AFF3: variants seen among roughly 807,000 people sequenced by gnomAD.
The protein encoded by AFF3 is AF4/FMR2 family member 3.
AFF3 carries 32 observed loss-of-function variants against 129.7 expected under a neutral mutation model. The ratio of observed to expected loss-of-function variants is 0.25; its 90% CI spans 0.19 to 0.33. AFF3 has a LOEUF of 0.33. Ranked by LOEUF, AFF3 falls within the 10% of genes least tolerant of loss-of-function variation. The pLI, the probability that AFF3 is intolerant of heterozygous loss-of-function variation, is 1.00. For synonymous variants in AFF3, 644 were observed against 635.4 expected, an observed-to-expected ratio of 1.01 and a Z score of -0.20; for missense variants, 1,373 against 1,592.0, an observed-to-expected ratio of 0.86 and a Z score of 2.34.
chr2:99,966,004 TTTTG>T (rs1489369740), intron 7 of AFF3, among the ~76,000 whole-genome samples: 1 of 152,212 alleles, frequency 6.6e-6, no homozygotes, highest in Non-Finnish European at 1.5e-5. Flanking sequence ...AATTTTGCAT[TTTTG>T]TTTACTTTAA....
In AFF3 at chr2:100,003,784, A is replaced by G. The variant is rs1681677184; in HGVS notation, c.873+2848T>C. ...AGGCAAAGGGATTCAAAATTTCCAA[A>G]TTTTTAAAAATAATACAGAATTGTT... On this transcript the variant is annotated intron_variant, in intron 7 of 24. Coordinates refer to ENST00000672756, the MANE Select transcript of AFF3 (RefSeq NM_001386135.1). 2.0e-5 allele frequency among the ~76,000 whole-genome samples: 3 copies of G among 152,328 alleles called. No homozygotes were observed. In the South Asian group the frequency reaches 6.2e-4, roughly 32 times the overall value.
rs996876123 is a variant in AFF3 at position 100,142,525 on chromosome 2, G to A, written c.-269C>T. 2 of 152,328 alleles carry A rather than the reference G, an allele frequency of 1.3e-5. No homozygotes were observed. Among genetic ancestry groups the A allele is most frequent in the Non-Finnish European group, 2.9e-5 (2 of 68,096 alleles). The allele number at this position is 152,328 out of a possible 1,614,324, so 9.4% of individuals were successfully genotyped here. A position where few individuals can be genotyped will look rare whatever the true frequency, so the allele number is the denominator to read the frequency against. ...CTTTTCTTTCTCTCCCCAGTAAGTC[G>A]TTGAACGTCTTTCTTCTGAGGCTGA... On this transcript the variant is annotated 5_prime_UTR_variant, in exon 1 of 25. The change creates a new upstream start codon in the 5' untranslated region. Coordinates refer to ENST00000672756, the MANE Select transcript of AFF3 (RefSeq NM_001386135.1).
At chr2:99,879,059 A>T (rs1366978051) in intron 7 of AFF3, among the ~76,000 whole-genome samples, 1 of 152,216 alleles carries the variant, frequency 6.6e-6, no homozygotes, top group African/African-American at 2.4e-5. Context: ...TGCGGGTAAG[A>T]AGCACTGAAG....
chr2:99,643,894 G>A (rs1294736203), intron 13 of AFF3, among the ~76,000 whole-genome samples: 9 of 152,166 alleles, frequency 5.9e-5, no homozygotes, highest in Admixed American at 1.3e-4. Context: ...AAGGAGATTG[G>A]ATGTGTGAGA....
At chr2:99,570,672 C>T (rs537108402) in intron 18 of AFF3, among the ~76,000 whole-genome samples, 46 of 152,278 alleles carry the variant, frequency 3.0e-4, no homozygotes, top group African/African-American at 7.0e-4. Context: ...CCAGGGTCTA[C>T]GAGATAAAAT....
chr2:99,550,657 C>G lies in AFF3; in HGVS notation c.*817G>C, dbSNP rs546606409. The G allele has an allele frequency of 3.4e-5, 8 of 232,882 alleles. No individual in the cohort carries two copies. The highest frequency in any genetic ancestry group is 1.8e-4 in the African/African-American group (8 of 45,420). 14.4% of individuals were successfully genotyped at this position (232,882 alleles called of 1,614,324 possible). ...AGGTGCAGAAAACTTCAACTCCTAA[C>G]TGAGCTCCAACACACAGGCACTGCT... On this transcript the variant is annotated 3_prime_UTR_variant, in exon 25 of 25. Coordinates refer to ENST00000672756, the MANE Select transcript of AFF3 (RefSeq NM_001386135.1).
At chr2:99,887,617 C>T (rs562189901) in intron 7 of AFF3, among the ~76,000 whole-genome samples, 2 of 152,314 alleles carry the variant, frequency 1.3e-5, no homozygotes, top group South Asian at 4.1e-4. Flanking sequence ...TCAGGAGTTA[C>T]TCCTTTTTCA....
intron 7 of AFF3, among the ~76,000 whole-genome samples, chr2:99,884,232 G>A (rs1043765642): frequency 2.2e-4 from 33 of 152,196 alleles, no homozygotes; most frequent in African/African-American, 8.0e-4. Flanking sequence ...GGGTTACGAT[G>A]TGGTGTTCTG....
At chr2:99,910,566 G>A (rs1558967709) in intron 7 of AFF3, among the ~76,000 whole-genome samples, 1 of 152,216 alleles carries the variant, frequency 6.6e-6, no homozygotes, top group South Asian at 2.1e-4. Flanking sequence ...GCATCACTGT[G>A]TAATAGTGCA....
chr2:99,685,404 G>A (rs1203446796), intron 11 of AFF3, among the ~76,000 whole-genome samples: 1 of 152,146 alleles, frequency 6.6e-6, no homozygotes, highest in African/African-American at 2.4e-5. Context: ...TCAACTCATG[G>A]TGACACAGAA....
intron 7 of AFF3, among the ~76,000 whole-genome samples, chr2:99,869,779 G>A (rs947426332): frequency 6.6e-6 from 1 of 152,128 alleles, no homozygotes; most frequent in Non-Finnish European, 1.5e-5. Flanking sequence ...GGGAGATTCA[G>A]GGGGAAAAGT....
At chr2:99,822,414 C>T (rs1687761046) in intron 8 of AFF3, among the ~76,000 whole-genome samples, 1 of 152,080 alleles carries the variant, frequency 6.6e-6, no homozygotes, top group Non-Finnish European at 1.5e-5. Context: ...TTGCTGATCT[C>T]ATTTTCTCAG....
intron 8 of AFF3, among the ~76,000 whole-genome samples, chr2:99,755,160 C>T (rs563966222): frequency 6.6e-6 from 1 of 152,238 alleles, no homozygotes; most frequent in South Asian, 2.1e-4. Flanking sequence ...GTTTTGGACC[C>T]TCACTAAAGA....
At chr2:100,136,217 C>T (rs1278461317) in intron 1 of AFF3, among the ~76,000 whole-genome samples, 6 of 152,160 alleles carry the variant, frequency 3.9e-5, no homozygotes, top group South Asian at 4.1e-4. Flanking sequence ...GTTTGGGCAT[C>T]GTTGGTGTTT....
intron 4 of AFF3, among the ~76,000 whole-genome samples, chr2:100,103,836 C>A (rs1462227393): frequency 2.0e-5 from 3 of 151,892 alleles, no homozygotes; most frequent in Admixed American, 6.6e-5. Flanking sequence ...CTCTGGAATA[C>A]CGGCACGGAG....
intron 13 of AFF3, among the ~76,000 whole-genome samples, chr2:99,639,048 G>A (rs1416500099): frequency 1.3e-5 from 2 of 152,156 alleles, no homozygotes; most frequent in East Asian, 1.9e-4. Flanking sequence ...ATCAGGCAGC[G>A]AGTCTGTATT....
At position 99,802,293 on chromosome 2, in the gene AFF3, T is replaced by C. The variant is rs538495375; in HGVS notation, c.921+35184A>G. On this transcript the variant is annotated intron_variant, in intron 8 of 24. Transcript: ENST00000672756. ...CCTTCAAGGGCTCAGCATCTGGATG[T>C]AGGAAAAGGAGACAAAAAGGCAGCT... Among the ~76,000 whole-genome samples the C allele has an allele frequency of 7.2e-5, 11 of 152,310 alleles. 1 individual carries two copies. In the East Asian group the frequency reaches 1.9e-3, roughly 27 times the overall value.
intron 8 of AFF3, among the ~76,000 whole-genome samples, chr2:99,804,882 G>C (rs192643670): frequency 6.6e-6 from 1 of 152,214 alleles, no homozygotes; most frequent in Admixed American, 6.5e-5. Context: ...GTAAGCTATG[G>C]ATATGCAAAG....
At chr2:100,057,367 TC>T (rs1433989726) in intron 4 of AFF3, among the ~76,000 whole-genome samples, 1 of 148,704 alleles carries the variant, frequency 6.7e-6, no homozygotes, top group Non-Finnish European at 1.5e-5. Flanking sequence ...TGGATTCATA[TC>T]CTAGGCCTGC....
Sources: allele counts gnomAD v4.1 joint callset (sites outside exome capture counted in the v4.1 genomes callset), GRCh38; gene constraint gnomAD v4.1.1; transcripts MANE v1.5; gene names NCBI Gene and HGNC (gene_info 2026-07-23, HGNC 2026-07-21).